The following BDNF variants were observed in gnomAD, a reference collection of about 807,000 sequenced individuals.
BDNF encodes the protein neurotrophic factor BDNF precursor form.
A neutral mutation model predicts 19.5 loss-of-function variants in BDNF; 1 was observed. The observed-to-expected ratio is 0.05, with a 90% CI of 0.02 to 0.24. BDNF has a LOEUF of 0.24. Ranked by LOEUF, BDNF falls within the 10% of genes least tolerant of loss-of-function variation. The pLI is 1.00. For missense variants in BDNF, 195 were observed against 317.6 expected, an observed-to-expected ratio of 0.61 and a Z score of 2.93; for synonymous variants, 100 against 121.6, an observed-to-expected ratio of 0.82 and a Z score of 1.17.
intron 1 of BDNF, among the ~76,000 whole-genome samples, chr11:27,685,796 G>A (rs1857403849): frequency 1.1e-5 from 1 of 89,986 alleles, no homozygotes; most frequent in African/African-American, 4.1e-5. Context: ...TTTTGCATTT[G>A]CTGAGGAGTG....
chr11:27,685,296 T>A (rs1857341888), intron 1 of BDNF, among the ~76,000 whole-genome samples: 1 of 152,180 alleles, frequency 6.6e-6, no homozygotes, highest in Non-Finnish European at 1.5e-5. Flanking sequence ...TTTTCTTCTT[T>A]ATCAATCTGG....
Position 27,654,946 on chromosome 11 carries a change from CAT to C in BDNF, c.*2873_*2874del, listed in dbSNP as rs1362461255. On this transcript the variant is annotated 3_prime_UTR_variant, in exon 2 of 2. Coordinates refer to ENST00000356660, the MANE Select transcript of BDNF (RefSeq NM_001709.5). ...AACATTAAAAATTCTATATTTAAAACATATATTATATGTTAATTAGTACACTT... is the reference window on the plus strand; with the variant it reads ...AACATTAAAAATTCTATATTTAAAACATATTATATGTTAATTAGTACACTT... The C allele has an allele frequency of 2.0e-5, 3 of 152,242 alleles. No homozygotes were observed. Among genetic ancestry groups the C allele is most frequent in the East Asian group, 1.9e-4 (1 of 5,180 alleles). The allele number at this position is 152,242 out of a possible 1,614,324, so 9.4% of individuals were successfully genotyped here. A position where few individuals can be genotyped will look rare whatever the true frequency, so the allele number is the denominator to read the frequency against.
intron 1 of BDNF, among the ~76,000 whole-genome samples, chr11:27,686,778 T>TTA (rs1857547002): frequency 6.6e-6 from 1 of 152,232 alleles, no homozygotes; most frequent in Non-Finnish European, 1.5e-5. Context: ...AGATCCACTG[T>TTA]TAGTCTGATG....
intron 1 of BDNF, among the ~76,000 whole-genome samples, chr11:27,715,364 C>T (rs1860472410): frequency 6.6e-6 from 1 of 152,142 alleles, no homozygotes; most frequent in South Asian, 2.1e-4. Flanking sequence ...TTCCCAGAAC[C>T]CAGATTCTAT....
In BDNF at chr11:27,700,302, A is replaced by G; in HGVS notation, c.-160T>C. The G allele has an allele frequency of 1.0e-6, 1 of 984,930 alleles. No homozygotes were observed. Among genetic ancestry groups the G allele is most frequent in the Non-Finnish European group, 1.2e-6 (1 of 829,842 alleles). The allele number at this position is 984,930 out of a possible 1,614,324, so 61.0% of individuals were successfully genotyped here. A position where few individuals can be genotyped will look rare whatever the true frequency, so the allele number is the denominator to read the frequency against. ...CCACAGCAGCGGTGGGTGTCTCATT[A>G]AAGCCCCCCGAGCAGGAGGTGGAGG... is the stretch of plus-strand genomic sequence containing the variant. On this transcript the variant is annotated 5_prime_UTR_variant, in exon 1 of 2. Transcript: ENST00000356660.
At chr11:27,720,742 A>G (rs986389000) in intron 1 of BDNF, 4 of 986,064 alleles carry the variant, frequency 4.1e-6, no homozygotes, top group Non-Finnish European at 4.8e-6. Context: ...GCAGGAGGAA[A>G]AGGCTTAAAA....
intron 1 of BDNF, among the ~76,000 whole-genome samples, chr11:27,673,451 C>T (rs1383655911): frequency 1.3e-5 from 2 of 152,166 alleles, no homozygotes; most frequent in African/African-American, 4.8e-5. Context: ...ACCCATTTGT[C>T]TTATTTCAGT....
intron 1 of BDNF, among the ~76,000 whole-genome samples, chr11:27,670,354 G>C (rs1855150495): frequency 6.6e-6 from 1 of 152,098 alleles, no homozygotes; most frequent in South Asian, 2.1e-4. Context: ...CATGGACAAG[G>C]ACTTCATGAC....
At chr11:27,691,946 T>C (rs1055059301) in intron 1 of BDNF, among the ~76,000 whole-genome samples, 3 of 152,162 alleles carry the variant, frequency 2.0e-5, no homozygotes, top group African/African-American at 7.2e-5. Context: ...AAATATAACC[T>C]CAAAAGTTAA....
chr11:27,668,483 A>T (rs1027959038), intron 1 of BDNF, among the ~76,000 whole-genome samples: 2 of 152,106 alleles, frequency 1.3e-5, no homozygotes, highest in Non-Finnish European at 2.9e-5. Context: ...CTGGTTTTTT[A>T]AAAAGATCAA....
At chr11:27,699,808 G>C in intron 1 of BDNF, 2 of 884,416 alleles carry the variant, frequency 2.3e-6, no homozygotes, top group Middle Eastern at 4.4e-4. Flanking sequence ...ACCCTCGACA[G>C]CTCTGGCCCC....
chr11:27,686,657 A>G (rs1454441825), intron 1 of BDNF, among the ~76,000 whole-genome samples: 1 of 152,124 alleles, frequency 6.6e-6, no homozygotes, highest in Non-Finnish European at 1.5e-5. Flanking sequence ...TCACTTCTGA[A>G]GCTTAGTTGG....
chr11:27,682,078 A>G (rs1044516328), intron 1 of BDNF, among the ~76,000 whole-genome samples: 1 of 152,164 alleles, frequency 6.6e-6, no homozygotes, highest in Admixed American at 6.6e-5. Context: ...CTGATTATTT[A>G]CAAGGCTGCA....
intron 1 of BDNF, chr11:27,691,012 T>G (rs1045915746): frequency 2.0e-5 from 3 of 152,294 alleles, no homozygotes; most frequent in Admixed American, 2.0e-4. Context: ...GAGTTCTTCA[T>G]GAAAGATTCT....
chr11:27,699,566 T>A, intron 1 of BDNF: 2 of 1,528,074 alleles, frequency 1.3e-6, no homozygotes, highest in Non-Finnish European at 8.8e-7. Flanking sequence ...CCCTTTCAGT[T>A]CCCAGCGGTA....
At chr11:27,720,904 T>TTCATG in intron 1 of BDNF, 1 of 427,896 alleles carries the variant, frequency 2.3e-6, no homozygotes, top group Non-Finnish European at 3.2e-6. Flanking sequence ...GATTACCCAT[T>TTCATG]ACCGGTGATA....
chr11:27,660,831 CACTA>C (rs892104875), intron 1 of BDNF, among the ~76,000 whole-genome samples: 10 of 151,054 alleles, frequency 6.6e-5, no homozygotes, highest in African/African-American at 2.4e-4. Context: ...TAAGTGCCCA[CACTA>C]ACTACTTAAA....
intron 1 of BDNF, among the ~76,000 whole-genome samples, chr11:27,668,435 A>G (rs1854744868): frequency 6.6e-6 from 1 of 152,170 alleles, no homozygotes; most frequent in African/African-American, 2.4e-5. Context: ...GGAGATAGAG[A>G]CAGAAAAACT....
intron 1 of BDNF, among the ~76,000 whole-genome samples, chr11:27,661,469 A>G (rs1160223410): frequency 6.6e-6 from 1 of 152,140 alleles, no homozygotes; most frequent in African/African-American, 2.4e-5. Flanking sequence ...TGTCCTGGCC[A>G]TCCCTTTTTA....
Sources: allele counts gnomAD v4.1 joint callset (sites outside exome capture counted in the v4.1 genomes callset), GRCh38; gene constraint gnomAD v4.1.1; transcripts MANE v1.5; gene names NCBI Gene and HGNC (gene_info 2026-07-23, HGNC 2026-07-21).